DAB2IP: variants seen among roughly 807,000 people sequenced by gnomAD.
DAB2IP encodes DAB2 interacting protein, also known as disabled homolog 2-interacting protein.
Under a neutral mutation model 107.2 loss-of-function variants are expected in DAB2IP, and 28 were observed. The ratio of observed to expected loss-of-function variants is 0.26; its 90% CI spans 0.19 to 0.36. The LOEUF (loss-of-function observed/expected upper bound fraction) is 0.36. Among genes scored for constraint, DAB2IP ranks in the 10% least tolerant of loss-of-function variants. The probability of loss-of-function intolerance (pLI) is 1.00; values close to 1 mark genes in which losing one functional copy is unlikely to be tolerated. For synonymous variants in DAB2IP, 755 were observed against 706.4 expected, an observed-to-expected ratio of 1.07 and a Z score of -1.09; for missense variants, 1,400 against 1,644.7, an observed-to-expected ratio of 0.85 and a Z score of 2.57.
chr9:121,630,357 C>T (rs1214522305), intron 1 of DAB2IP, among the ~76,000 whole-genome samples: 2 of 151,904 alleles, frequency 1.3e-5, no homozygotes, highest in Admixed American at 1.3e-4. Flanking sequence ...AACCCTGTCT[C>T]TACTAAAAAC....
Position 121,758,976 on chromosome 9 carries a change from C to T in DAB2IP, c.595C>T (p.Arg199Ter). 1 of 1,612,872 alleles carries T rather than the reference C, an allele frequency of 6.2e-7. No homozygotes were observed. Among genetic ancestry groups the T allele is most frequent in the Non-Finnish European group, 8.5e-7 (1 of 1,179,728 alleles). ...GGATAAGTGGATGGAGAACCTCCGG[C>T]GAGCGGTGCATCCCAACAAGGTAAG... The change falls in exon 5 of 16, where the codon CGA becomes TGA. Residue 199 changes from arginine to a stop codon, truncating the protein, a stop_gained. Transcript: ENST00000408936. LOFTEE classifies it high-confidence loss of function.
intron 1 of DAB2IP, among the ~76,000 whole-genome samples, chr9:121,591,117 A>C (rs1411648387): frequency 1.3e-5 from 2 of 152,196 alleles, no homozygotes; most frequent in African/African-American, 4.8e-5. Context: ...TGTATATTTG[A>C]GGATCTGGAA....
upstream of DAB2IP, among the ~76,000 whole-genome samples, chr9:121,648,143 G>C (rs778541579): frequency 6.6e-6 from 1 of 152,078 alleles, no homozygotes; most frequent in African/African-American, 2.4e-5. Flanking sequence ...TACAAATTGG[G>C]TTTAGTGTAT....
chr9:121,613,711 G>A (rs984480773), intron 1 of DAB2IP, among the ~76,000 whole-genome samples: 4 of 152,198 alleles, frequency 2.6e-5, no homozygotes, highest in African/African-American at 9.6e-5. Flanking sequence ...CGGAGGGATA[G>A]TTGAAAAGGC....
At chr9:121,693,917 G>A (rs529886809) in intron 2 of DAB2IP, among the ~76,000 whole-genome samples, 8 of 152,300 alleles carry the variant, frequency 5.3e-5, no homozygotes, top group African/African-American at 1.7e-4. Flanking sequence ...TGGGGCTCCC[G>A]GGTGTCCAGG....
chr9:121,784,127 C>T (rs1835843291), exon 16 of DAB2IP: 1 of 160,238 alleles, frequency 6.2e-6, no homozygotes, highest in Non-Finnish European at 1.4e-5. Flanking sequence ...ATGTAACCTA[C>T]AATTCAGTTA....
chr9:121,783,571 C>T (rs1328765562), exon 16 of DAB2IP: 1 of 1,613,842 alleles, frequency 6.2e-7, no homozygotes, highest in East Asian at 2.2e-5. Flanking sequence ...TGCTCGCTTG[C>T]TGGAACACAG....
intron 10 of DAB2IP, among the ~76,000 whole-genome samples, chr9:121,769,644 G>A (rs926479426): frequency 5.9e-5 from 9 of 152,160 alleles, no homozygotes; most frequent in African/African-American, 2.2e-4. Flanking sequence ...TTGCTCATTT[G>A]TATCCACTTG....
chr9:121,773,205 C>A (rs758059245), exon 12 of DAB2IP: 8 of 1,574,876 alleles, frequency 5.1e-6, no homozygotes, highest in Non-Finnish European at 6.9e-6. Flanking sequence ...GGCACGGCGA[C>A]AGATGTCACT....
At chr9:121,740,202 G>A (rs954057818) in intron 3 of DAB2IP, among the ~76,000 whole-genome samples, 6 of 152,202 alleles carry the variant, frequency 3.9e-5, no homozygotes, top group African/African-American at 1.4e-4. Flanking sequence ...AGGTTTACCA[G>A]CAGCAGCTGA....
intron 8 of DAB2IP, among the ~76,000 whole-genome samples, 158 bp from the exon 9 acceptor site, chr9:121,766,336 C>T (rs977136677): frequency 2.0e-5 from 3 of 152,244 alleles, no homozygotes; most frequent in Non-Finnish European, 2.9e-5. Context: ...ATTGACTGCT[C>T]TCCCCAGATG....
At chr9:121,766,231 A>G (rs1834265788) in intron 8 of DAB2IP, among the ~76,000 whole-genome samples, 1 of 152,132 alleles carries the variant, frequency 6.6e-6, no homozygotes, top group Admixed American at 6.5e-5. Context: ...CTCCCATCCC[A>G]CCTGCCCGGC....
chr9:121,664,194 C>T (rs900570876), intron 1 of DAB2IP, among the ~76,000 whole-genome samples: 3 of 152,114 alleles, frequency 2.0e-5, no homozygotes, highest in African/African-American at 7.2e-5. Flanking sequence ...ATCAATTGCC[C>T]ATGTATGTAT....
chr9:121,757,363 A>G (rs1282631573), intron 4 of DAB2IP, among the ~76,000 whole-genome samples, 197 bp downstream of exon 4: 1 of 151,648 alleles, frequency 6.6e-6, no homozygotes, highest in East Asian at 1.9e-4. Context: ...TGTCCTTCCT[A>G]CTCTCTAGGT....
chr9:121,619,126 G>C (rs1357413084), intron 1 of DAB2IP, among the ~76,000 whole-genome samples: 1 of 152,014 alleles, frequency 6.6e-6, no homozygotes, highest in Non-Finnish European at 1.5e-5. Context: ...TGGCTCCAGG[G>C]AGAGCTTCGT....
intron 1 of DAB2IP, among the ~76,000 whole-genome samples, chr9:121,586,065 A>G (rs1278647555): frequency 6.6e-6 from 1 of 152,058 alleles, no homozygotes; most frequent in Non-Finnish European, 1.5e-5. Context: ...CCCCTAGATG[A>G]CTTTGGGTGA....
intron 2 of DAB2IP, among the ~76,000 whole-genome samples, chr9:121,694,317 C>G (rs1365364413): frequency 6.6e-6 from 1 of 152,142 alleles, no homozygotes; most frequent in Non-Finnish European, 1.5e-5. Context: ...TTCCCCCACC[C>G]GGAAATCCAA....
At chr9:121,660,997 G>C (rs910075797) in intron 1 of DAB2IP, among the ~76,000 whole-genome samples, 1 of 152,156 alleles carries the variant, frequency 6.6e-6, no homozygotes, top group Non-Finnish European at 1.5e-5. Context: ...TCCTTACAGC[G>C]AGAGGAGTGG....
intron 1 of DAB2IP, among the ~76,000 whole-genome samples, chr9:121,594,436 C>T (rs1197052146): frequency 6.6e-6 from 1 of 151,166 alleles, no homozygotes; most frequent in Non-Finnish European, 1.5e-5. Flanking sequence ...GAGGTTTCAC[C>T]ATGTTGACCA....
Sources: allele counts gnomAD v4.1 joint callset (sites outside exome capture counted in the v4.1 genomes callset), GRCh38; gene constraint gnomAD v4.1.1; transcripts MANE v1.5; gene names NCBI Gene and HGNC (gene_info 2026-07-23, HGNC 2026-07-21).